PLEKHH1: variants seen among roughly 807,000 people sequenced by gnomAD.
PLEKHH1 encodes pleckstrin homology domain-containing family H member 1.
A neutral mutation model predicts 160.0 loss-of-function variants in PLEKHH1; 104 were observed. That is an observed-to-expected ratio of 0.65 (90% CI 0.55 to 0.76). PLEKHH1 has a LOEUF of 0.76. PLEKHH1 is among the 30% of genes least tolerant of loss of function. PLEKHH1 has a pLI of 0.00. For missense variants in PLEKHH1, 1,427 were observed against 1,724.1 expected (o/e 0.83, Z 3.05); for synonymous variants, 619 against 678.4 (o/e 0.91, Z 1.36).
chr14:67,573,329 G>C lies in PLEKHH1; in HGVS notation c.1782G>C (p.Thr594=). 1.9e-6 allele frequency: 3 copies of C among 1,613,800 alleles called. No homozygotes were observed. Among genetic ancestry groups the C allele is most frequent in the Non-Finnish European group, 2.5e-6 (3 of 1,179,758 alleles). The part of the protein sequence containing the change: ...YLLKMGSQVK[T]WKRRWFVLRQ... ...TGAAAATGGGGAGCCAGGTGAAGAC[G>C]TGGAAGAGGCGCTGGTTTGTCCTGA... Residue 594 remains threonine, a synonymous_variant, in exon 12 of 29, where the codon ACG becomes ACC. Transcript: ENST00000329153. This position sits in a 1 kb window ranked among gnomAD's most constrained non-coding sequence, Gnocchi z 4.8.
At chr14:67,561,281 C>G (rs1446333721) in intron 5 of PLEKHH1, among the ~76,000 whole-genome samples, 1 of 152,186 alleles carries the variant, frequency 6.6e-6, no homozygotes. Context: ...GGGGCAGTGG[C>G]TCACACCTGT....
At chr14:67,549,705 C>T (rs963435416) in intron 2 of PLEKHH1, among the ~76,000 whole-genome samples, 2 of 152,218 alleles carry the variant, frequency 1.3e-5, no homozygotes, top group Non-Finnish European at 2.9e-5. Context: ...GATGGGGCTA[C>T]GGCTCCAGGC....
At chr14:67,559,016 T>A (rs570947224) in intron 4 of PLEKHH1, among the ~76,000 whole-genome samples, 5 of 152,362 alleles carry the variant, frequency 3.3e-5, no homozygotes, top group Admixed American at 3.3e-4. Flanking sequence ...TTAAACTAGA[T>A]GACCTTTAAG....
At chr14:67,548,599 A>T (rs1263113680) in intron 2 of PLEKHH1, among the ~76,000 whole-genome samples, 2 of 152,230 alleles carry the variant, frequency 1.3e-5, no homozygotes, top group Non-Finnish European at 2.9e-5. Context: ...CTGGAGGCTG[A>T]GGCAGGAGAA....
chr14:67,580,075 T>C, intron 22 of PLEKHH1, 199 bp downstream of exon 22: 1 of 564,950 alleles, frequency 1.8e-6, no homozygotes, highest in South Asian at 2.2e-5. Context: ...TGCCCTTGTC[T>C]CTGGAGACAA....
At chr14:67,536,964 T>C (rs1324271734) in intron 1 of PLEKHH1, among the ~76,000 whole-genome samples, 5 of 145,286 alleles carry the variant, frequency 3.4e-5, no homozygotes, top group South Asian at 2.2e-4. Context: ...TGTTTGAACC[T>C]GAGAGGCGGA....
At chr14:67,557,783 A>G (rs1280586620) in intron 4 of PLEKHH1, among the ~76,000 whole-genome samples, 2 of 152,230 alleles carry the variant, frequency 1.3e-5, no homozygotes, top group African/African-American at 2.4e-5. Flanking sequence ...GAGGCAACCT[A>G]TGTGACCTGT....
rs756811274 is a variant in PLEKHH1 at position 67,575,855 on chromosome 14, G to A, written c.2202G>A (p.Ala734=). Residue 734 remains alanine, a synonymous_variant, in exon 16 of 29, where the codon GCG becomes GCA. Coordinates refer to ENST00000329153, the MANE Select transcript of PLEKHH1 (RefSeq NM_020715.3). ...RPLGCLPVRD[A]HIEEVDRSCD... ...TGGGCTGCCTGCCTGTGCGGGATGC[G>A]CACATAGAGGAAGTAGATCGATCCT... 1.2e-5 allele frequency: 19 copies of A among 1,613,750 alleles called. No homozygotes were observed. Among genetic ancestry groups the A allele is most frequent in the South Asian group, 5.5e-5 (5 of 91,060 alleles).
intron 1 of PLEKHH1, among the ~76,000 whole-genome samples, chr14:67,537,064 ACTTAAT>A (rs1256932832): frequency 6.8e-6 from 1 of 147,128 alleles, no homozygotes; most frequent in Non-Finnish European, 1.5e-5. Flanking sequence ...TAAAATAAAA[ACTTAAT>A]CTTAGGCTGG....
At chr14:67,580,019 G>A (rs1348738342) in intron 22 of PLEKHH1, 143 bp downstream of exon 22, 2 of 738,082 alleles carry the variant, frequency 2.7e-6, no homozygotes, top group East Asian at 2.7e-5. Flanking sequence ...CAGCATTTCT[G>A]TGCCATCCTA....
chr14:67,543,781 CA>C (rs5809354), intron 2 of PLEKHH1, among the ~76,000 whole-genome samples: 94,474 of 148,908 alleles, frequency 0.63, 29,769 homozygotes, highest in Non-Finnish European at 0.66. Flanking sequence ...AACAAAATAA[CA>C]AAAAAAAAAC....
chr14:67,553,698 C>T (rs1213690968), intron 2 of PLEKHH1, among the ~76,000 whole-genome samples: 1 of 152,222 alleles, frequency 6.6e-6, no homozygotes, highest in East Asian at 1.9e-4. Context: ...GGGCAACCAC[C>T]CCTATAAACA....
At chr14:67,540,881 A>T (rs929161847) in intron 1 of PLEKHH1, among the ~76,000 whole-genome samples, 1 of 151,936 alleles carries the variant, frequency 6.6e-6, no homozygotes, top group African/African-American at 2.4e-5. Context: ...TCCTTTTCTC[A>T]TCCTGCATCC....
intron 2 of PLEKHH1, among the ~76,000 whole-genome samples, chr14:67,542,934 A>G (rs2034031249): frequency 6.6e-6 from 1 of 152,112 alleles, no homozygotes. Flanking sequence ...TCCCAACCTC[A>G]GGTGATCCTC....
In PLEKHH1 at chr14:67,543,199, A is replaced by T. The variant is rs1464240102; in HGVS notation, c.126+1206A>T. On this transcript the variant is annotated intron_variant, in intron 2 of 28. Transcript: ENST00000329153. Reference sequence around the variant, plus strand: ...GAAAATTCAGCTCACACCTCTCCAAAGAATGTCAAAGTCTCAATTAGTAAA... The same window carrying T: ...GAAAATTCAGCTCACACCTCTCCAATGAATGTCAAAGTCTCAATTAGTAAA... Among the ~76,000 whole-genome samples the T allele has an allele frequency of 2.0e-5, 3 of 152,350 alleles. No individual in the cohort carries two copies. In the East Asian group the frequency reaches 5.8e-4, roughly 29 times the overall value.
Position 67,576,259 on chromosome 14 carries a change from C to T in PLEKHH1, c.2353-136C>T, listed in dbSNP as rs1408649409. The T allele has an allele frequency of 1.6e-6, 1 of 623,360 alleles. No individual in the cohort carries two copies. Among genetic ancestry groups the T allele is most frequent in the Non-Finnish European group, 2.8e-6 (1 of 356,866 alleles). The allele number at this position is 623,360 out of a possible 1,614,324, so 38.6% of individuals were successfully genotyped here. A position where few individuals can be genotyped will look rare whatever the true frequency, so the allele number is the denominator to read the frequency against. ...ATGTTCACCTGATCCTCAGTCTTTC[C>T]AGGTAGCCCTGACTCATGCCAACCA... is the stretch of plus-strand genomic sequence containing the variant. On this transcript the variant is annotated intron_variant, in intron 16 of 28. Coordinates refer to ENST00000329153, the MANE Select transcript of PLEKHH1 (RefSeq NM_020715.3). The surrounding 1 kb of genome is among the most constrained non-coding windows in gnomAD (Gnocchi z 4.0).
chr14:67,581,179 G>A (rs1386311134), intron 23 of PLEKHH1, 141 bp downstream of exon 23: 2 of 626,328 alleles, frequency 3.2e-6, no homozygotes, highest in Non-Finnish European at 5.8e-6. Flanking sequence ...ACTAGCTGGG[G>A]TGCAGGCGGG....
At chr14:67,569,797 C>T (rs989566807) in intron 8 of PLEKHH1, 124 bp from the exon 9 acceptor site, 6 of 687,726 alleles carry the variant, frequency 8.7e-6, no homozygotes, top group Admixed American at 2.1e-5. Context: ...GCCCTGGCCC[C>T]CCTCTTGAGA....
rs1361966031 is a variant in PLEKHH1, at chr14:67,576,801, G to A, written c.2461+298G>A. Among the ~76,000 whole-genome samples, 1 of 152,192 alleles carries A rather than the reference G, an allele frequency of 6.6e-6. No homozygotes were observed. Among genetic ancestry groups the A allele is most frequent in the Non-Finnish European group, 1.5e-5 (1 of 68,034 alleles). On this transcript the variant is annotated intron_variant, in intron 17 of 28. Transcript: ENST00000329153. This position sits in a 1 kb window ranked among gnomAD's most constrained non-coding sequence, Gnocchi z 4.0. ...CTGGGCAGAGGGCTGAGGAAAGAAG[G>A]TAGCTGGTTAATCTATAGTTAGAGT...
Sources: gnomAD v4.1 joint callset for allele counts (sites outside exome capture counted in the v4.1 genomes callset) on GRCh38, gnomAD v4.1.1 for gene constraint, Gnocchi (gnomAD v3.1) non-coding constraint, MANE v1.5 for transcripts, NCBI Gene and HGNC (gene_info 2026-07-23, HGNC 2026-07-21) for gene names.